The following CPS1 variants were observed in gnomAD, a reference collection of about 807,000 sequenced individuals.
CPS1 encodes the protein carbamoyl-phosphate synthase [ammonia], mitochondrial.
Under a neutral mutation model 174.6 loss-of-function variants are expected in CPS1, and 109 were observed. That is an observed-to-expected ratio of 0.62 (90% CI 0.53 to 0.73). CPS1 has a LOEUF of 0.73. Ranked by LOEUF, CPS1 falls within the 30% of genes least tolerant of loss-of-function variation. CPS1 has a pLI of 0.00. For synonymous variants in CPS1, 637 were observed against 632.0 expected, an observed-to-expected ratio of 1.01 and a Z score of -0.12; for missense variants, 1,689 against 1,821.9, an observed-to-expected ratio of 0.93 and a Z score of 1.33.
intron 11 of CPS1, chr2:210,593,398 G>A (rs1015723275): frequency 9.4e-7 from 1 of 1,068,112 alleles, no homozygotes; most frequent in Non-Finnish European, 1.1e-6. Flanking sequence ...AGGAGGGGAA[G>A]GGTGTTGGAG....
At chr2:210,613,306 A>T (rs888861516) in intron 20 of CPS1, among the ~76,000 whole-genome samples, 1 of 151,944 alleles carries the variant, frequency 6.6e-6, no homozygotes, top group African/African-American at 2.4e-5. Flanking sequence ...CCTTAATTGC[A>T]TCCAATGTAT....
chr2:210,608,645 T>C, intron 19 of CPS1, 86 bp downstream of exon 19: 1 of 1,321,128 alleles, frequency 7.6e-7, no homozygotes, highest in Non-Finnish European at 1.1e-6. Flanking sequence ...TAAAGTTGCC[T>C]GGATACCATC....
intron 13 of CPS1, 79 bp from the exon 14 acceptor site, chr2:210,599,293 C>T: frequency 7.5e-7 from 1 of 1,336,512 alleles, no homozygotes; most frequent in Non-Finnish European, 1.1e-6. Context: ...CTTAGTTACC[C>T]CATGTCTTTT....
intron 1 of CPS1, among the ~76,000 whole-genome samples, chr2:210,520,993 T>A (rs1695809974): frequency 6.6e-6 from 1 of 152,026 alleles, no homozygotes; most frequent in African/African-American, 2.4e-5. Context: ...ATGCGGTGAG[T>A]GTATGTTAGG....
At chr2:210,562,068 A>G (rs2106048203) in intron 1 of CPS1, among the ~76,000 whole-genome samples, 1 of 152,324 alleles carries the variant, frequency 6.6e-6, no homozygotes, top group East Asian at 1.9e-4. Context: ...ACAACTTGCC[A>G]CATAGCAGAT....
At position 210,642,725 on chromosome 2, in the gene CPS1, T is replaced by TTA. The variant is rs1700268668; in HGVS notation, c.3141+68_3141+69dup. On this transcript the variant is annotated intron_variant, in intron 25 of 37. Transcript: ENST00000233072. ...AAGACAGATATATGTAGTATACACT[T>TTA]TATATATATGCATTCTGGTATATAG... The TTA allele has an allele frequency of 4.2e-6, 6 of 1,428,196 alleles. No homozygotes were observed. In the East Asian group the frequency reaches 1.4e-4, roughly 34 times the overall value. 88.5% of individuals were successfully genotyped at this position (1,428,196 alleles called of 1,614,324 possible).
At chr2:210,630,584 C>T (rs573517056) in intron 21 of CPS1, among the ~76,000 whole-genome samples, 1 of 152,238 alleles carries the variant, frequency 6.6e-6, no homozygotes, top group South Asian at 2.1e-4. Flanking sequence ...TTGCTCTGTA[C>T]AAGAAATATA....
intron 33 of CPS1, among the ~76,000 whole-genome samples, chr2:210,665,923 C>G (rs1701081776): frequency 7.1e-6 from 1 of 140,756 alleles, no homozygotes; most frequent in East Asian, 2.1e-4. Flanking sequence ...AATGGTTGAA[C>G]TAGTTTACAG....
chr2:210,636,752 G>T (rs1700052808), intron 21 of CPS1, among the ~76,000 whole-genome samples: 1 of 152,096 alleles, frequency 6.6e-6, no homozygotes, highest in Admixed American at 6.6e-5. Flanking sequence ...CACAAATGAG[G>T]CTTGGCTTTA....
At chr2:210,640,593 A>T (rs960287876) in intron 24 of CPS1, among the ~76,000 whole-genome samples, 15 of 152,198 alleles carry the variant, frequency 9.9e-5, no homozygotes, top group African/African-American at 3.6e-4. Context: ...TCTCCAGTCA[A>T]TTAAATAACC....
In CPS1 at chr2:210,660,405, A is replaced by T. The variant is rs1700877244; in HGVS notation, c.3757-80A>T. 5 of 1,391,336 alleles carry T rather than the reference A, an allele frequency of 3.6e-6. No individual in the cohort carries two copies. In the East Asian group the frequency reaches 1.1e-4, roughly 32 times the overall value. The allele number at this position is 1,391,336 out of a possible 1,614,324, so 86.2% of individuals were successfully genotyped here. A position where few individuals can be genotyped will look rare whatever the true frequency, so the allele number is the denominator to read the frequency against. On this transcript the variant is annotated intron_variant, in intron 31 of 37. Coordinates refer to ENST00000233072, the MANE Select transcript of CPS1 (RefSeq NM_001875.5). ...GGTCCCCAGTTAATAACAGCTGGAAACCAGTGGTAGAGAGAATATTAATAT... is the reference window on the plus strand; with the variant it reads ...GGTCCCCAGTTAATAACAGCTGGAATCCAGTGGTAGAGAGAATATTAATAT...
intron 16 of CPS1, among the ~76,000 whole-genome samples, chr2:210,603,446 T>A (rs1280073963): frequency 6.6e-6 from 1 of 151,932 alleles, no homozygotes; most frequent in Non-Finnish European, 1.5e-5. Flanking sequence ...ATACCTCACA[T>A]AAATGTTTCT....
intron 6 of CPS1, 69 bp downstream of exon 6, chr2:210,582,778 T>C (rs1368181698): frequency 8.1e-7 from 1 of 1,229,894 alleles, no homozygotes; most frequent in Non-Finnish European, 1.2e-6. Context: ...AATATCAAAA[T>C]CTTTATTTAG....
chr2:210,618,476 C>T (rs1421226381), intron 21 of CPS1: 2 of 152,068 alleles, frequency 1.3e-5, no homozygotes, highest in Non-Finnish European at 2.9e-5. Flanking sequence ...TGATCCACGG[C>T]GTTAGCAAAC....
intron 33 of CPS1, among the ~76,000 whole-genome samples, chr2:210,666,966 A>C (rs1163442521): frequency 6.6e-6 from 1 of 152,110 alleles, no homozygotes; most frequent in Admixed American, 6.6e-5. Context: ...TGAGCATGGA[A>C]TGTTCTTCCA....
At chr2:210,655,614 A>C (rs908637309) in intron 29 of CPS1, among the ~76,000 whole-genome samples, 1 of 152,292 alleles carries the variant, frequency 6.6e-6, no homozygotes, top group Non-Finnish European at 1.5e-5. Context: ...ATGAGCTCTT[A>C]CTTATATGTG....
chr2:210,484,072 T>G (rs1021941834), intron 1 of CPS1, among the ~76,000 whole-genome samples: 2 of 152,188 alleles, frequency 1.3e-5, no homozygotes, highest in Non-Finnish European at 2.9e-5. Context: ...ATAAATGTTA[T>G]GTCTTAAGAT....
intron 1 of CPS1, among the ~76,000 whole-genome samples, chr2:210,549,577 G>A (rs1007646457): frequency 1.3e-5 from 2 of 151,938 alleles, no homozygotes; most frequent in African/African-American, 4.8e-5. Flanking sequence ...TGCAGTAATT[G>A]TTCAGAACTT....
chr2:210,599,303 T>A, intron 13 of CPS1, 69 bp from the exon 14 acceptor site: 1 of 1,464,452 alleles, frequency 6.8e-7, no homozygotes, highest in South Asian at 1.1e-5. Context: ...CCATGTCTTT[T>A]TATTTAAGTG....
Sources: gnomAD v4.1 joint callset for allele counts (sites outside exome capture counted in the v4.1 genomes callset) on GRCh38, gnomAD v4.1.1 for gene constraint, MANE v1.5 for transcripts, NCBI Gene and HGNC (gene_info 2026-07-23, HGNC 2026-07-21) for gene names.